CHRM3: variants seen among roughly 807,000 people sequenced by gnomAD.
CHRM3 encodes the protein cholinergic receptor muscarinic 3, also known as muscarinic acetylcholine receptor M3.
Under a neutral mutation model 41.8 loss-of-function variants are expected in CHRM3, and 11 were observed. The ratio of observed to expected loss-of-function variants is 0.26; its 90% CI spans 0.17 to 0.44. The LOEUF (loss-of-function observed/expected upper bound fraction) is 0.44, where lower values mean the gene tolerates loss of function less well. Among genes scored for constraint, CHRM3 ranks in the 20% least tolerant of loss-of-function variants. The pLI is 1.00. For synonymous variants in CHRM3, 297 were observed against 301.4 expected, an observed-to-expected ratio of 0.99 and a Z score of 0.15; for missense variants, 571 against 745.4, an observed-to-expected ratio of 0.77 and a Z score of 2.72.
chr1:239,517,258 C>G (rs1669335732), intron 2 of CHRM3, among the ~76,000 whole-genome samples: 1 of 152,134 alleles, frequency 6.6e-6, no homozygotes, highest in Non-Finnish European at 1.5e-5. Flanking sequence ...CTAGCTGTGT[C>G]TTATCACTGA....
At chr1:239,423,672 A>G (rs770790894) in intron 1 of CHRM3, among the ~76,000 whole-genome samples, 81 of 152,306 alleles carry the variant, frequency 5.3e-4, no homozygotes, top group Non-Finnish European at 1.3e-4. Context: ...AAAAAGCCTC[A>G]ATCAGAGTGA....
chr1:239,793,698 T>C (rs1364182341), intron 5 of CHRM3, among the ~76,000 whole-genome samples: 3 of 152,052 alleles, frequency 2.0e-5, no homozygotes, highest in African/African-American at 4.8e-5. Flanking sequence ...TGGTGGGATA[T>C]TGTCAATTTT....
intron 1 of CHRM3, among the ~76,000 whole-genome samples, chr1:239,480,187 G>A (rs182281285): frequency 6.6e-6 from 1 of 152,204 alleles, no homozygotes; most frequent in Admixed American, 6.5e-5. Context: ...CAGCCAACTT[G>A]CACTAAGATG....
chr1:239,435,341 C>T (rs1347958081), intron 1 of CHRM3, among the ~76,000 whole-genome samples: 3 of 151,274 alleles, frequency 2.0e-5, no homozygotes, highest in East Asian at 1.9e-4. Context: ...TCCAGCTACT[C>T]GGGAGGCTGA....
At chr1:239,448,736 A>G (rs899802658) in intron 1 of CHRM3, among the ~76,000 whole-genome samples, 1 of 152,184 alleles carries the variant, frequency 6.6e-6, no homozygotes, top group Non-Finnish European at 1.5e-5. Flanking sequence ...GGGTGGAACT[A>G]TTGATAATAA....
intron 1 of CHRM3, among the ~76,000 whole-genome samples, chr1:239,399,336 T>G (rs1033896206): frequency 1.1e-4 from 11 of 104,040 alleles, no homozygotes; most frequent in African/African-American, 6.0e-4. Flanking sequence ...GACCTCTGAT[T>G]TTTTTTTTTT....
At chr1:239,602,776 A>T (rs181059788) in intron 3 of CHRM3, among the ~76,000 whole-genome samples, 5 of 152,144 alleles carry the variant, frequency 3.3e-5, no homozygotes, top group African/African-American at 7.2e-5. Context: ...ATTCTTTAAA[A>T]TTTTTTTAAT....
At chr1:239,819,308 G>A (rs1240999730) in intron 5 of CHRM3, among the ~76,000 whole-genome samples, 1 of 152,178 alleles carries the variant, frequency 6.6e-6, no homozygotes, top group African/African-American at 2.4e-5. Flanking sequence ...ACAGGCAGGT[G>A]GAAATTCATT....
At chr1:239,874,293 A>ATATATATCTATATATATCTATATACACAG in intron 6 of CHRM3, among the ~76,000 whole-genome samples, 1 of 67,070 alleles carries the variant, frequency 1.5e-5, no homozygotes, top group African/African-American at 6.4e-5. Context: ...CAGTATATAT[A>ATATATATCTATATATATCTATATACACAG]TATATATATA....
intron 2 of CHRM3, among the ~76,000 whole-genome samples, chr1:239,532,475 A>T (rs1435968012): frequency 6.6e-6 from 1 of 151,124 alleles, no homozygotes; most frequent in African/African-American, 2.4e-5. Flanking sequence ...AAGTACAAAA[A>T]TTAGCCGGAC....
chr1:239,842,638 C>G (rs1673911664), intron 6 of CHRM3, among the ~76,000 whole-genome samples: 1 of 152,004 alleles, frequency 6.6e-6, no homozygotes, highest in South Asian at 2.1e-4. Flanking sequence ...TCTATTTTGC[C>G]CCAAATTCTG....
chr1:239,635,144 A>G (rs1431376809), intron 4 of CHRM3, among the ~76,000 whole-genome samples: 1 of 152,164 alleles, frequency 6.6e-6, no homozygotes, highest in Non-Finnish European at 1.5e-5. Flanking sequence ...CCAAGTCATC[A>G]TCTTGTCTTG....
intron 5 of CHRM3, among the ~76,000 whole-genome samples, chr1:239,762,736 T>A (rs908918707): frequency 2.6e-5 from 4 of 152,190 alleles, no homozygotes; most frequent in African/African-American, 9.6e-5. Context: ...AATTATGTCC[T>A]TGACAAGTAG....
intron 6 of CHRM3, among the ~76,000 whole-genome samples, chr1:239,871,301 G>C (rs1325752543): frequency 1.3e-5 from 2 of 152,156 alleles, no homozygotes; most frequent in East Asian, 3.9e-4. Flanking sequence ...GAATAGAGTG[G>C]TGCGATTTCG....
At chr1:239,619,118 T>C (rs962952252) in intron 3 of CHRM3, among the ~76,000 whole-genome samples, 15 of 152,110 alleles carry the variant, frequency 9.9e-5, no homozygotes, top group African/African-American at 3.4e-4. Flanking sequence ...TTTTGCCATG[T>C]TGGCCACACT....
intron 3 of CHRM3, among the ~76,000 whole-genome samples, chr1:239,555,166 G>A (rs1355378241): frequency 1.3e-5 from 2 of 152,146 alleles, no homozygotes; most frequent in Admixed American, 6.5e-5. Context: ...GATGATGGGG[G>A]CCAGAAAAAT....
At chr1:239,819,116 G>A (rs1266941582) in intron 5 of CHRM3, among the ~76,000 whole-genome samples, 2 of 152,098 alleles carry the variant, frequency 1.3e-5, no homozygotes, top group Non-Finnish European at 2.9e-5. Flanking sequence ...ACTCAGCCAG[G>A]CGACTACCTG....
intron 5 of CHRM3, among the ~76,000 whole-genome samples, chr1:239,701,345 C>T (rs1660666381): frequency 6.6e-6 from 1 of 152,196 alleles, no homozygotes; most frequent in Non-Finnish European, 1.5e-5. Context: ...ATGAGCAAGA[C>T]CAGACAGAGG....
chr1:239,502,933 A>T (rs1044999631), intron 2 of CHRM3, among the ~76,000 whole-genome samples: 3 of 152,194 alleles, frequency 2.0e-5, no homozygotes. Flanking sequence ...GCCATCTATG[A>T]CAAACCCACA....
Sources: allele counts gnomAD v4.1 joint callset (sites outside exome capture counted in the v4.1 genomes callset), GRCh38; gene constraint gnomAD v4.1.1; transcripts MANE v1.5; gene names NCBI Gene and HGNC (gene_info 2026-07-23, HGNC 2026-07-21).